The following PSD4 variants were observed in gnomAD, a reference collection of about 807,000 sequenced individuals.
The protein encoded by PSD4 is PH and SEC7 domain-containing protein 4.
Under a neutral mutation model 112.5 loss-of-function variants are expected in PSD4, and 59 were observed. The ratio of observed to expected loss-of-function variants is 0.52; its 90% confidence interval spans 0.43 to 0.65. The LOEUF is 0.65. Ranked by LOEUF, PSD4 falls within the 30% of genes least tolerant of loss-of-function variation. The pLI, the probability that PSD4 is intolerant of heterozygous loss-of-function variation, is 0.00. For missense variants in PSD4, 1,267 were observed against 1,352.6 expected (o/e 0.94, Z 0.99); for synonymous variants, 533 against 540.0 (o/e 0.99, Z 0.18).
chr2:113,198,975 G>A (rs1036907899), intron 15 of PSD4, 91 bp downstream of exon 15: 15 of 1,529,280 alleles, frequency 9.8e-6, no homozygotes, highest in Non-Finnish European at 1.3e-5. Context: ...GAGGCGGGCT[G>A]CGCACTTGGC....
chr2:113,195,013 A>T (rs1688557300), intron 10 of PSD4, among the ~76,000 whole-genome samples: 1 of 152,212 alleles, frequency 6.6e-6, no homozygotes, highest in Admixed American at 6.5e-5. Flanking sequence ...CATTTACTGC[A>T]CATTTATTGT....
rs975523080 is a variant in PSD4, at chr2:113,202,153, G to A, written c.*738G>A. On this transcript the variant is annotated 3_prime_UTR_variant, in exon 17 of 17. Transcript: ENST00000245796. ...TACCCAACTGCTCATCAACAGAGCA[G>A]AGCTGATGGCATGAGTGAGGGCTGG... 1 of 149,582 alleles carries A rather than the reference G, an allele frequency of 6.7e-6. No homozygotes were observed. The highest frequency in any genetic ancestry group is 2.4e-5 in the African/African-American group (1 of 41,038). The allele number at this position is 149,582 out of a possible 1,614,324, so 9.3% of individuals were successfully genotyped here.
chr2:113,196,523 C>G (rs972490980), intron 12 of PSD4: 11 of 525,524 alleles, frequency 2.1e-5, no homozygotes, highest in Non-Finnish European at 3.3e-5. Context: ...CAAAACAGGC[C>G]TAGTTATTCC....
intron 6 of PSD4, 126 bp downstream of exon 6, chr2:113,192,715 C>A: frequency 1.0e-6 from 1 of 994,154 alleles, no homozygotes; most frequent in Non-Finnish European, 1.5e-6. Context: ...ATCTCCCCTC[C>A]TAACTTTTCC....
At chr2:113,188,336 C>T (rs527629475) in intron 5 of PSD4, among the ~76,000 whole-genome samples, 6 of 152,248 alleles carry the variant, frequency 3.9e-5, no homozygotes, top group African/African-American at 1.2e-4. Flanking sequence ...CTCTGCCTCC[C>T]GGGTTCAAGT....
At chr2:113,191,566 A>C (rs1688441068) in intron 5 of PSD4, among the ~76,000 whole-genome samples, 1 of 152,130 alleles carries the variant, frequency 6.6e-6, no homozygotes. Context: ...TACTGCGCCC[A>C]GGCCCCTGGA....
rs746131309 is a variant in PSD4, at chr2:113,183,264, G to A, written c.808G>A (p.Ala270Thr). ...TTCTGGAGAGTGCTTTTCCTGGGGG[G>A]CTTCAGACTCCCATGCAGGTGTGAG... is the stretch of plus-strand genomic sequence containing the variant. ...SASGECFSWG[A>T]SDSHAGVRTG... The change falls in exon 2 of 17, where the codon GCT (alanine) becomes ACT (threonine). Residue 270 changes from alanine to threonine, a missense_variant. By Grantham distance (58) the Ala-to-Thr change is moderately conservative. Around this residue, in one of 2 missense-constraint regions of PSD4, gnomAD observed 723 missense variants for 704.0 expected, o/e 1.03. Coordinates refer to ENST00000245796, the MANE Select transcript of PSD4 (RefSeq NM_012455.3). 59 of 1,614,008 alleles carry A rather than the reference G, an allele frequency of 3.7e-5. No individual in the cohort carries two copies. The East Asian group carries it at 1.2e-3, about 33-fold the overall frequency.
At chr2:113,180,266 G>A (rs772970213) in intron 1 of PSD4, among the ~76,000 whole-genome samples, 13 of 152,232 alleles carry the variant, frequency 8.5e-5, no homozygotes, top group Non-Finnish European at 1.9e-4. Context: ...CCCCACTGCA[G>A]TGGGGCTCCC....
rs1384314037 is a variant in PSD4, at chr2:113,198,751, A to G, written c.2636A>G (p.Glu879Gly). 1 of 1,564,720 alleles carries G rather than the reference A, an allele frequency of 6.4e-7. No homozygotes were observed. Among genetic ancestry groups the G allele is most frequent in the Admixed American group, 1.7e-5 (1 of 58,204 alleles). ...LYLFQAPTAKEMSSWIARINL... is the reference protein window; with the variant it reads ...LYLFQAPTAKGMSSWIARINL... Reference sequence around the variant, plus strand: ...CTCCTTTGCCCCAGCACTGCCAAGGAGATGAGCTCCTGGATCGCGCGCATC... The same window carrying G: ...CTCCTTTGCCCCAGCACTGCCAAGGGGATGAGCTCCTGGATCGCGCGCATC... The change falls in exon 15 of 17, where the codon GAG becomes GGG. Residue 879 changes from glutamate to glycine, a missense_variant. By Grantham distance (98) the Glu-to-Gly change is moderately conservative. Around this residue, in one of 2 missense-constraint regions of PSD4, gnomAD observed 544 missense variants for 648.6 expected, o/e 0.84. Coordinates refer to ENST00000245796, the MANE Select transcript of PSD4 (RefSeq NM_012455.3).
Position 113,201,429 on chromosome 2 carries a change from T to TCTGG in PSD4, c.*15_*16insTGGC. 1 of 1,612,298 alleles carries TCTGG rather than the reference T, an allele frequency of 6.2e-7. No homozygotes were observed. Among genetic ancestry groups the TCTGG allele is most frequent in the Non-Finnish European group, 8.5e-7 (1 of 1,179,532 alleles). On this transcript the variant is annotated 3_prime_UTR_variant, in exon 17 of 17. Transcript: ENST00000245796. ...AATCAGCTGTGAAGCCAGCACCACC[T>TCTGG]CAGAGACACTGTTCCCTGCTCCAGG...
intron 5 of PSD4, 64 bp from the exon 6 acceptor site, chr2:113,192,316 G>C: frequency 6.6e-7 from 1 of 1,524,556 alleles, no homozygotes; most frequent in Non-Finnish European, 9.1e-7. Flanking sequence ...TGAGCTCGGG[G>C]AACTCTTGCC....
At chr2:113,184,694 C>G (rs1239889887) in intron 2 of PSD4, among the ~76,000 whole-genome samples, 1 of 152,152 alleles carries the variant, frequency 6.6e-6, no homozygotes, top group African/African-American at 2.4e-5. Context: ...TAAGCACTAA[C>G]TTCTCAGAGG....
intron 1 of PSD4, among the ~76,000 whole-genome samples, chr2:113,176,054 T>C (rs922379337): frequency 2.6e-5 from 4 of 152,234 alleles, no homozygotes; most frequent in African/African-American, 9.6e-5. Context: ...TTCTTCACTA[T>C]GACCCTGAAG....
At chr2:113,193,530 C>A in intron 8 of PSD4, 62 bp from the exon 9 acceptor site, 1 of 1,559,872 alleles carries the variant, frequency 6.4e-7, no homozygotes, top group Non-Finnish European at 8.8e-7. Flanking sequence ...GCAGTGTGGG[C>A]AGAGGAAACA....
Position 113,193,316 on chromosome 2 carries a change from T to C in PSD4, c.1978T>C (p.Tyr660His), listed in dbSNP as rs756498091. The C allele has an allele frequency of 1.4e-5, 22 of 1,600,962 alleles. No individual in the cohort carries two copies. The South Asian group carries it at 2.5e-4, about 18-fold the overall frequency. The change falls in exon 8 of 17, where the codon TAC becomes CAC. Residue 660 changes from tyrosine to histidine, a missense_variant. Physicochemically the swap from Tyr to His is moderately conservative, Grantham distance 83 (BLOSUM62 2). This residue lies in a region of PSD4 where 544 missense variants were observed against 648.6 expected (regional missense o/e 0.84). Transcript: ENST00000245796. Reference protein sequence around the residue: ...GETQERERILYQFSRRFHHCN... With the variant: ...GETQERERILHQFSRRFHHCN... ...GACTCAGGAACGGGAGCGAATCCTC[T>C]ACCAGTTCTCCAGACGCTTCCACCA...
rs752423224 is a variant in PSD4 at position 113,183,321 on chromosome 2, C to T, written c.865C>T (p.Pro289Ser). 1 of 1,606,186 alleles carries T rather than the reference C, an allele frequency of 6.2e-7. No homozygotes were observed. The highest frequency in any genetic ancestry group is 8.5e-7 in the Non-Finnish European group (1 of 1,175,720). ...TGPESPATLE[P>S]PLPEDTVLWE... ...ACCTGAGAGCCCAGCGACTCTGGAG[C>T]CTCCCCTCCCAGAAGACACAGTGCT... Residue 289 changes from proline to serine, a missense_variant, in exon 2 of 17, where the codon CCT (proline) becomes TCT (serine). Around this residue, in one of 2 missense-constraint regions of PSD4, gnomAD observed 723 missense variants for 704.0 expected, o/e 1.03. Coordinates refer to ENST00000245796, the MANE Select transcript of PSD4 (RefSeq NM_012455.3).
At chr2:113,192,804 C>T (rs1374494470) in intron 6 of PSD4, among the ~76,000 whole-genome samples, 1 of 152,242 alleles carries the variant, frequency 6.6e-6, no homozygotes, top group Non-Finnish European at 1.5e-5. Flanking sequence ...TTGGTCCCCA[C>T]TGCCTTGCCA....
In PSD4 at chr2:113,198,891, C is replaced by T; in HGVS notation, c.2769+7C>T. ...CCCCGCCCAGAGCTCCCTGGTACGGCCTCCGGGAAGGGGTGGGGTCCGGCG... is the reference window on the plus strand; with the variant it reads ...CCCCGCCCAGAGCTCCCTGGTACGGTCTCCGGGAAGGGGTGGGGTCCGGCG... On this transcript the variant is annotated splice_region_variant and intron_variant, in intron 15 of 16. Coordinates refer to ENST00000245796, the MANE Select transcript of PSD4 (RefSeq NM_012455.3). 1 of 1,576,264 alleles carries T rather than the reference C, an allele frequency of 6.3e-7. No individual in the cohort carries two copies. The highest frequency in any genetic ancestry group is 8.6e-7 in the Non-Finnish European group (1 of 1,168,434).
In PSD4 at chr2:113,192,377, A is replaced by G. The variant is rs745392550; in HGVS notation, c.1629-3A>G. 6 of 1,613,070 alleles carry G rather than the reference A, an allele frequency of 3.7e-6. No individual in the cohort carries two copies. Among genetic ancestry groups the G allele is most frequent in the Non-Finnish European group, 5.1e-6 (6 of 1,179,336 alleles). On this transcript the variant is annotated splice_region_variant and splice_polypyrimidine_tract_variant and intron_variant, in intron 5 of 16. Transcript: ENST00000245796. The stretch of plus-strand genomic sequence containing the variant: ...CCCAGAGCTCCTGCATGTCTATCTC[A>G]AGTGAGAATCTGAGGACACCGATGA...
Sources: gnomAD v4.1 joint callset for allele counts (sites outside exome capture counted in the v4.1 genomes callset) on GRCh38, gnomAD v4.1.1 for gene constraint, gnomAD v4.1.1 regional missense constraint, MANE v1.5 for transcripts, NCBI Gene and HGNC (gene_info 2026-07-23, HGNC 2026-07-21) for gene names.